Variants in RXFP1 observed in about 807,000 individuals in gnomAD.
RXFP1 encodes the protein relaxin receptor 1.
In RXFP1, 73 loss-of-function variants were observed where a neutral mutation model predicts 89.8. The ratio of observed to expected loss-of-function variants is 0.81; its 90% CI spans 0.67 to 0.99. RXFP1 has a LOEUF of 0.99. RXFP1 is among the 50% of genes least tolerant of loss of function. The pLI is 0.00. For synonymous variants in RXFP1, 277 were observed against 305.5 expected (o/e 0.91, Z 0.97); for missense variants, 793 against 895.5 (o/e 0.89, Z 1.46).
At chr4:158,584,339 CAGG>C (rs1757896766) in intron 2 of RXFP1, among the ~76,000 whole-genome samples, 1 of 151,536 alleles carries the variant, frequency 6.6e-6, no homozygotes, top group Non-Finnish European at 1.5e-5. Flanking sequence ...GAGGCAGAGG[CAGG>C]AGAATTGCTT....
chr4:158,535,718 A>G (rs1745122841), intron 1 of RXFP1, among the ~76,000 whole-genome samples: 1 of 152,264 alleles, frequency 6.6e-6, no homozygotes. Flanking sequence ...TACACAAAAT[A>G]TGTGTGGAAC....
intron 9 of RXFP1, 79 bp from the exon 10 acceptor site, chr4:158,626,741 T>G: frequency 1.2e-6 from 1 of 848,136 alleles, no homozygotes; most frequent in Non-Finnish European, 1.9e-6. Flanking sequence ...GATATTTTAT[T>G]AGAAGGCAAA....
intron 9 of RXFP1, among the ~76,000 whole-genome samples, chr4:158,625,227 T>C (rs560320079): frequency 1.2e-4 from 19 of 152,252 alleles, no homozygotes; most frequent in African/African-American, 4.6e-4. Context: ...TATAAGTGAT[T>C]AGCTTCCAAC....
chr4:158,596,608 A>G (rs1379160561), intron 3 of RXFP1, among the ~76,000 whole-genome samples: 1 of 152,160 alleles, frequency 6.6e-6, no homozygotes, highest in Non-Finnish European at 1.5e-5. Flanking sequence ...CTTATTCCCA[A>G]AAGGATTTTC....
intron 1 of RXFP1, among the ~76,000 whole-genome samples, chr4:158,566,374 A>T (rs1053050938): frequency 3.9e-4 from 8 of 20,268 alleles, no homozygotes; most frequent in East Asian, 1.7e-3. Context: ...TTATCTCAAA[A>T]TTTTTTTTTT....
chr4:158,653,008 A>G lies in RXFP1; in HGVS notation c.*953A>G, dbSNP rs769061110. ...ATCTCAGTAAAGCAGTTAAAAGGAA[A>G]AAGAGCTGGAATGCACTGATTCAGG... On this transcript the variant is annotated 3_prime_UTR_variant, in exon 18 of 18. Coordinates refer to ENST00000307765, the MANE Select transcript of RXFP1 (RefSeq NM_021634.4). 2 of 152,256 alleles carry G rather than the reference A, an allele frequency of 1.3e-5. No individual in the cohort carries two copies. Among genetic ancestry groups the G allele is most frequent in the African/African-American group, 2.4e-5 (1 of 41,474 alleles). 9.4% of individuals were successfully genotyped at this position (152,256 alleles called of 1,614,324 possible).
chr4:158,617,148 T>C lies in RXFP1; in HGVS notation c.698T>C (p.Val233Ala). The change falls in exon 9 of 18, where the codon GTC (valine) becomes GCC (alanine). Residue 233 changes from valine to alanine, a missense_variant. Physicochemically the swap from Val to Ala is moderately conservative, Grantham distance 64. Transcript: ENST00000307765. ...SLILLVLMNN[V>A]LTRLPDKPLC... is the part of the protein sequence containing the mutation. ...TTTTTCAGAGTCCTGATGAATAACG[T>C]CCTCACCCGTTTACCTGATAAACCT... The C allele has an allele frequency of 6.2e-7, 1 of 1,609,120 alleles. No individual in the cohort carries two copies. Among genetic ancestry groups the C allele is most frequent in the African/African-American group, 1.3e-5 (1 of 74,712 alleles).
intron 11 of RXFP1, 128 bp downstream of exon 11, chr4:158,628,837 T>TAC (rs1767456983): frequency 2.2e-6 from 1 of 446,838 alleles, no homozygotes; most frequent in Non-Finnish European, 4.0e-6. Flanking sequence ...TTTACATATA[T>TAC]ACACCTCAAG....
chr4:158,526,232 T>C (rs1742474998), intron 1 of RXFP1, among the ~76,000 whole-genome samples: 1 of 152,244 alleles, frequency 6.6e-6, no homozygotes, highest in Non-Finnish European at 1.5e-5. Context: ...AATTTGAATA[T>C]ATAGAAAGCA....
Position 158,607,949 on chromosome 4 carries a change from C to A in RXFP1, c.465-23C>A, listed in dbSNP as rs563156086. The stretch of plus-strand genomic sequence containing the variant: ...GTGAAACTCTGCTTCATTTTTTTTT[C>A]TTTTTAATAATCATTTTCACAGGTA... On this transcript the variant is annotated intron_variant, in intron 5 of 17. Coordinates refer to ENST00000307765, the MANE Select transcript of RXFP1 (RefSeq NM_021634.4). 61 of 1,474,300 alleles carry A rather than the reference C, an allele frequency of 4.1e-5. No individual in the cohort carries two copies. The South Asian group carries it at 6.5e-4, about 16-fold the overall frequency. 91.3% of individuals were successfully genotyped at this position (1,474,300 alleles called of 1,614,324 possible).
At chr4:158,541,996 C>T (rs1215149601) in intron 1 of RXFP1, among the ~76,000 whole-genome samples, 10 of 147,268 alleles carry the variant, frequency 6.8e-5, no homozygotes, top group African/African-American at 1.8e-4. Context: ...CTCAGCTCAC[C>T]GCAACCTCCA....
chr4:158,576,771 T>C (rs1176214176), intron 2 of RXFP1, among the ~76,000 whole-genome samples: 2 of 152,132 alleles, frequency 1.3e-5, no homozygotes, highest in Non-Finnish European at 2.9e-5. Context: ...AAAAATTAAT[T>C]CCGTTCAAAA....
intron 1 of RXFP1, among the ~76,000 whole-genome samples, chr4:158,556,660 C>G (rs1184721751): frequency 6.6e-6 from 1 of 152,126 alleles, no homozygotes; most frequent in Non-Finnish European, 1.5e-5. Context: ...AGGAATCAAC[C>G]TAAGTCTCAG....
rs1466113519 is a variant in RXFP1 at position 158,646,814 on chromosome 4, T to C, written c.1369T>C (p.Tyr457His). Reference protein sequence around the residue: ...LCCADCLMGIYLFVIGGFDLK... With the variant: ...LCCADCLMGIHLFVIGGFDLK... ...AGGTGCCGACTGCTTAATGGGAATA[T>C]ATTTATTCGTGATCGGAGGCTTTGA... The change falls in exon 16 of 18, where the codon TAT (tyrosine) becomes CAT (histidine). Residue 457 changes from tyrosine (Y) to histidine (H), a missense_variant. By Grantham distance (83) the Tyr-to-His change is moderately conservative. Transcript: ENST00000307765. 7 of 1,612,318 alleles carry C rather than the reference T, an allele frequency of 4.3e-6. No individual in the cohort carries two copies. Among genetic ancestry groups the C allele is most frequent in the Non-Finnish European group, 5.1e-6 (6 of 1,178,902 alleles).
intron 1 of RXFP1, among the ~76,000 whole-genome samples, chr4:158,556,546 C>A (rs188103115): frequency 7.3e-4 from 111 of 152,264 alleles, no homozygotes; most frequent in African/African-American, 2.6e-3. Context: ...TATGATCCAG[C>A]AATCCTACTC....
intron 9 of RXFP1, among the ~76,000 whole-genome samples, chr4:158,621,199 C>T (rs142206910): frequency 6.6e-6 from 1 of 152,260 alleles, no homozygotes; most frequent in African/African-American, 2.4e-5. Flanking sequence ...GCAGTCCCAG[C>T]TACTCAGGAG....
intron 2 of RXFP1, among the ~76,000 whole-genome samples, chr4:158,573,397 G>A (rs2150000479): frequency 6.6e-6 from 1 of 152,272 alleles, no homozygotes; most frequent in East Asian, 1.9e-4. Context: ...AACCAAGATT[G>A]TCCAACCCGC....
intron 1 of RXFP1, among the ~76,000 whole-genome samples, chr4:158,569,910 G>A (rs963669985): frequency 6.6e-6 from 1 of 152,034 alleles, no homozygotes; most frequent in African/African-American, 2.4e-5. Flanking sequence ...GAGTGTGTCT[G>A]GTGCAAAGAG....
chr4:158,628,896 T>C (rs1216928772), intron 11 of RXFP1, among the ~76,000 whole-genome samples, 187 bp downstream of exon 11: 1 of 150,658 alleles, frequency 6.6e-6, no homozygotes, highest in East Asian at 1.9e-4. Flanking sequence ...AATAAAAATA[T>C]AAATATTTGA....
Sources: gnomAD v4.1 joint callset for allele counts (sites outside exome capture counted in the v4.1 genomes callset) on GRCh38, gnomAD v4.1.1 for gene constraint, MANE v1.5 for transcripts, NCBI Gene and HGNC (gene_info 2026-07-23, HGNC 2026-07-21) for gene names.